EYS: variants seen among roughly 807,000 people sequenced by gnomAD.
EYS encodes protein eyes shut homolog.
EYS carries 250 observed loss-of-function variants against 282.1 expected under a neutral mutation model. The observed-to-expected ratio is 0.89, with a 90% confidence interval of 0.80 to 0.98. The LOEUF (loss-of-function observed/expected upper bound fraction) is 0.98. Among genes scored for constraint, EYS ranks in the 50% least tolerant of loss-of-function variants. The pLI is 0.00. For missense variants in EYS, 4,016 were observed against 3,709.0 expected (o/e 1.08, Z -2.15); for synonymous variants, 1,355 against 1,282.9 (o/e 1.06, Z -1.20).
chr6:64,915,402 T>C (rs999777946), intron 15 of EYS, among the ~76,000 whole-genome samples: 12 of 152,250 alleles, frequency 7.9e-5, no homozygotes, highest in African/African-American at 2.6e-4. Context: ...ACTATAAGAA[T>C]TGATATAAGG....
chr6:64,223,529 T>C lies in EYS; in HGVS notation c.6424+7063A>G, dbSNP rs1048324432. Among the ~76,000 whole-genome samples, 15 of 152,128 alleles carry C rather than the reference T, an allele frequency of 9.9e-5. No homozygotes were observed. In the East Asian group the frequency reaches 1.7e-3, roughly 18 times the overall value. ...CCCCTGAAAAACTCTGGGGGACACA[T>C]GCTGTGGTACATTTTCTGTATGGAC... On this transcript the variant is annotated intron_variant, in intron 31 of 42. Transcript: ENST00000503581.
intron 22 of EYS, among the ~76,000 whole-genome samples, chr6:64,717,989 G>T (rs1771455541): frequency 6.6e-6 from 1 of 152,184 alleles, no homozygotes; most frequent in South Asian, 2.1e-4. Context: ...GTTTGTGTGT[G>T]TAAAATAAGC....
At chr6:65,574,538 G>A (rs1764591465) in intron 2 of EYS, among the ~76,000 whole-genome samples, 1 of 151,900 alleles carries the variant, frequency 6.6e-6, no homozygotes, top group Non-Finnish European at 1.5e-5. Flanking sequence ...AACAAAGAAG[G>A]GCAATATATA....
chr6:65,465,802 T>C (rs531909767), intron 5 of EYS, among the ~76,000 whole-genome samples: 1 of 152,040 alleles, frequency 6.6e-6, no homozygotes, highest in African/African-American at 2.4e-5. Flanking sequence ...GGCAACATCA[T>C]GACACTCCAA....
chr6:64,359,325 T>C (rs1347587496), intron 29 of EYS, among the ~76,000 whole-genome samples: 2 of 151,762 alleles, frequency 1.3e-5, no homozygotes, highest in East Asian at 3.9e-4. Flanking sequence ...TTAATCAATG[T>C]TTGGGAACCA....
intron 2 of EYS, among the ~76,000 whole-genome samples, chr6:65,623,464 G>A (rs1766593244): frequency 6.6e-6 from 1 of 152,024 alleles, no homozygotes; most frequent in African/African-American, 2.4e-5. Context: ...ATTTTTAACA[G>A]TTGTTTATAA....
At chr6:64,778,984 A>G (rs993846888) in intron 22 of EYS, among the ~76,000 whole-genome samples, 1 of 152,150 alleles carries the variant, frequency 6.6e-6, no homozygotes, top group African/African-American at 2.4e-5. Flanking sequence ...CAAAACACTG[A>G]CAACACCAAA....
At chr6:64,181,716 C>CA (rs1052543816) in intron 31 of EYS, among the ~76,000 whole-genome samples, 1 of 151,970 alleles carries the variant, frequency 6.6e-6, no homozygotes, top group African/African-American at 2.4e-5. Flanking sequence ...TTTTTTATCT[C>CA]AAAAATGCCA....
chr6:64,734,242 T>A (rs2149954965), intron 22 of EYS, among the ~76,000 whole-genome samples: 1 of 152,264 alleles, frequency 6.6e-6, no homozygotes, highest in African/African-American at 2.4e-5. Context: ...CTAAAGCGAA[T>A]AAGCACTTTG....
intron 12 of EYS, among the ~76,000 whole-genome samples, chr6:65,083,649 T>C (rs1428984256): frequency 2.0e-5 from 3 of 151,850 alleles, no homozygotes; most frequent in Non-Finnish European, 2.9e-5. Context: ...TTTCCTCCTA[T>C]TAAGAATACT....
chr6:65,397,191 T>G (rs896725890), intron 7 of EYS, among the ~76,000 whole-genome samples: 2 of 151,870 alleles, frequency 1.3e-5, no homozygotes, highest in Admixed American at 6.6e-5. Flanking sequence ...TAACCTCTTT[T>G]ATTTATTTAT....
At chr6:64,811,886 C>T (rs1338361056) in intron 22 of EYS, among the ~76,000 whole-genome samples, 1 of 152,102 alleles carries the variant, frequency 6.6e-6, no homozygotes, top group Admixed American at 6.6e-5. Flanking sequence ...AGAGCTCTTA[C>T]AGTGCTTGAT....
intron 2 of EYS, among the ~76,000 whole-genome samples, chr6:65,631,152 A>G (rs1766896694): frequency 6.6e-6 from 1 of 152,178 alleles, no homozygotes; most frequent in Non-Finnish European, 1.5e-5. Context: ...AAGAGGATCA[A>G]CCAAGTTTTT....
intron 12 of EYS, among the ~76,000 whole-genome samples, chr6:65,133,196 C>G (rs558515285): frequency 9.2e-4 from 140 of 151,818 alleles, no homozygotes; most frequent in South Asian, 3.5e-3. Context: ...CTTCACAGAA[C>G]TAGAAGAAAA....
chr6:63,763,191 C>T (rs924138003), intron 40 of EYS, among the ~76,000 whole-genome samples: 13 of 151,902 alleles, frequency 8.6e-5, no homozygotes, highest in African/African-American at 3.1e-4. Context: ...AAGAGGTGTC[C>T]CTCTAGCTAA....
intron 22 of EYS, among the ~76,000 whole-genome samples, chr6:64,649,834 A>C (rs887296284): frequency 2.0e-4 from 31 of 152,276 alleles, no homozygotes; most frequent in African/African-American, 7.2e-4. Context: ...TGTTTATAAT[A>C]CATTATTAAG....
Position 64,328,615 on chromosome 6 carries a change from A to C in EYS, c.6079-21533T>G, listed in dbSNP as rs182925734. Among the ~76,000 whole-genome samples the C allele has an allele frequency of 6.6e-5, 10 of 152,322 alleles. No homozygotes were observed. In the East Asian group the frequency reaches 1.7e-3, roughly 27 times the overall value. ...GTAAGCCAGGCACAAGGAGACATAA[A>C]GCGAAAGCTTCAGAAGTTAGAAGGT... On this transcript the variant is annotated intron_variant, in intron 29 of 42. Transcript: ENST00000503581.
At chr6:64,530,356 CTTTA>C (rs1764286539) in intron 26 of EYS, among the ~76,000 whole-genome samples, 1 of 151,808 alleles carries the variant, frequency 6.6e-6, no homozygotes, top group Admixed American at 6.6e-5. Flanking sequence ...AATAAAATAT[CTTTA>C]TTTCTCTATT....
At chr6:64,117,709 G>C (rs184462564) in intron 31 of EYS, among the ~76,000 whole-genome samples, 1 of 151,706 alleles carries the variant, frequency 6.6e-6, no homozygotes, top group East Asian at 1.9e-4. Flanking sequence ...CAGAGCAATT[G>C]CACAAGAGAA....
Sources: allele counts gnomAD v4.1 joint callset (sites outside exome capture counted in the v4.1 genomes callset), GRCh38; gene constraint gnomAD v4.1.1; transcripts MANE v1.5; gene names NCBI Gene and HGNC (gene_info 2026-07-23, HGNC 2026-07-21).